Variants in PDE4B observed in about 807,000 individuals in gnomAD.
PDE4B encodes the protein phosphodiesterase 4B.
In PDE4B, 20 loss-of-function variants were observed where a neutral mutation model predicts 82.2. The observed-to-expected ratio is 0.24, with a 90% CI of 0.17 to 0.35. The LOEUF (loss-of-function observed/expected upper bound fraction) is 0.35, where lower values mean the gene tolerates loss of function less well. Ranked by LOEUF, PDE4B falls within the 10% of genes least tolerant of loss-of-function variation. PDE4B has a pLI of 1.00. For synonymous variants in PDE4B, 320 were observed against 318.9 expected, an observed-to-expected ratio of 1.00 and a Z score of -0.04; for missense variants, 655 against 907.2, an observed-to-expected ratio of 0.72 and a Z score of 3.57.
At chr1:66,355,467 T>C (rs1557722891) in intron 8 of PDE4B, 60 bp from the exon 9 acceptor site, 7 of 1,120,678 alleles carry the variant, frequency 6.2e-6, no homozygotes, top group Non-Finnish European at 9.4e-6. Flanking sequence ...GTTGGAAACA[T>C]TTAAAATGAA....
At chr1:66,066,262 G>C (rs902385531) in intron 3 of PDE4B, among the ~76,000 whole-genome samples, 2 of 151,682 alleles carry the variant, frequency 1.3e-5, no homozygotes, top group Non-Finnish European at 1.5e-5. Context: ...TAATGAGATA[G>C]TCCCTACCCG....
intron 3 of PDE4B, among the ~76,000 whole-genome samples, chr1:66,069,165 C>T (rs1009820274): frequency 2.0e-5 from 3 of 151,942 alleles, no homozygotes; most frequent in Admixed American, 6.6e-5. Context: ...GTATTTTAAC[C>T]TGGGCATTGA....
At chr1:66,092,880 C>T (rs1283055456) in intron 3 of PDE4B, among the ~76,000 whole-genome samples, 4 of 151,902 alleles carry the variant, frequency 2.6e-5, no homozygotes, top group Admixed American at 1.3e-4. Context: ...TGGGAATGAA[C>T]CTAGAATGAG....
intron 1 of PDE4B, among the ~76,000 whole-genome samples, chr1:65,875,734 A>G (rs1036224894): frequency 7.0e-5 from 10 of 142,906 alleles, no homozygotes; most frequent in Non-Finnish European, 6.0e-5. Context: ...TCTCACTCAT[A>G]GGTGGGAACT....
At chr1:65,958,942 C>T (rs939084619) in intron 3 of PDE4B, among the ~76,000 whole-genome samples, 7 of 152,158 alleles carry the variant, frequency 4.6e-5, no homozygotes, top group African/African-American at 1.7e-4. Flanking sequence ...AAAAGTATTA[C>T]AGAAGGTATT....
rs1452647070 is a variant in PDE4B, at chr1:65,985,085, A to G, written c.281+66250A>G. 2.6e-5 allele frequency among the ~76,000 whole-genome samples: 4 copies of G among 152,208 alleles called. No individual in the cohort carries two copies. The East Asian group carries it at 7.7e-4, about 29-fold the overall frequency. The stretch of plus-strand genomic sequence containing the variant: ...CAGATTTAAAATAAACAGACTATGT[A>G]GTGAAAAACAAATCTTGAAATTAAG... On this transcript the variant is annotated intron_variant, in intron 3 of 16. Transcript: ENST00000341517.
At chr1:65,829,078 TTAAATA>T (rs137888212) in intron 1 of PDE4B, among the ~76,000 whole-genome samples, 15,279 of 152,018 alleles carry the variant, frequency 0.1, 837 homozygotes, top group South Asian at 0.14. Flanking sequence ...ACAAAACACT[TTAAATA>T]TAAAGAATTA....
chr1:66,207,731 A>G (rs945489550), intron 3 of PDE4B, among the ~76,000 whole-genome samples: 1 of 152,168 alleles, frequency 6.6e-6, no homozygotes, highest in Non-Finnish European at 1.5e-5. Flanking sequence ...ATGATAGAGG[A>G]TTCTATTTAT....
intron 3 of PDE4B, among the ~76,000 whole-genome samples, chr1:66,195,188 C>A (rs924754712): frequency 6.6e-6 from 1 of 152,054 alleles, no homozygotes; most frequent in Non-Finnish European, 1.5e-5. Context: ...CAGATGTGAC[C>A]AAGGTGACCT....
chr1:66,002,146 T>C (rs1183856902), intron 3 of PDE4B, among the ~76,000 whole-genome samples: 1 of 152,184 alleles, frequency 6.6e-6, no homozygotes, highest in Admixed American at 6.6e-5. Context: ...GGGCATTTTG[T>C]ATTGTCAAGT....
intron 7 of PDE4B, among the ~76,000 whole-genome samples, chr1:66,280,638 G>C (rs1168870673): frequency 1.3e-5 from 2 of 152,108 alleles, no homozygotes; most frequent in Admixed American, 6.5e-5. Context: ...CTCACACCTG[G>C]ATATTAAAAC....
At chr1:66,126,592 T>G (rs1273385346) in intron 3 of PDE4B, among the ~76,000 whole-genome samples, 6 of 152,208 alleles carry the variant, frequency 3.9e-5, no homozygotes, top group Admixed American at 6.5e-5. Flanking sequence ...TCCTTAAAGC[T>G]TCTCCTTTTA....
Position 66,070,269 on chromosome 1 carries a change from G to A in PDE4B, c.281+151434G>A, listed in dbSNP as rs933605063. On this transcript the variant is annotated intron_variant, in intron 3 of 16. Transcript: ENST00000341517. Reference sequence around the variant, plus strand: ...ATTTTTTTTTCCTCAGGAGAAAAAGGTCTGTTGAAATCTTTAGTTGGAATA... The same window carrying A: ...ATTTTTTTTTCCTCAGGAGAAAAAGATCTGTTGAAATCTTTAGTTGGAATA... Among the ~76,000 whole-genome samples, 9 of 151,938 alleles carry A rather than the reference G, an allele frequency of 5.9e-5. No individual in the cohort carries two copies. The East Asian group carries it at 1.2e-3, about 20-fold the overall frequency.
rs1186568334 is a variant in PDE4B at position 65,899,885 on chromosome 1, G to T, written c.-70-13360G>T. On this transcript the variant is annotated intron_variant, in intron 1 of 16. Coordinates refer to ENST00000341517, the MANE Select transcript of PDE4B (RefSeq NM_002600.4). ...TGGATTTGGGGACTCAGGGACAAAG[G>T]GTGGGAAGGGGGTGAGGGATAAAAG... 2.0e-5 allele frequency among the ~76,000 whole-genome samples: 3 copies of T among 151,966 alleles called. No individual in the cohort carries two copies. The East Asian group carries it at 5.8e-4, about 29-fold the overall frequency.
At chr1:66,242,270 A>C (rs4376710) in intron 3 of PDE4B, among the ~76,000 whole-genome samples, 1 of 152,052 alleles carries the variant, frequency 6.6e-6, no homozygotes, top group African/African-American at 2.4e-5. Context: ...CTTTGAAATG[A>C]GGCAAAAAGA....
At chr1:65,932,388 C>A (rs1445837630) in intron 3 of PDE4B, among the ~76,000 whole-genome samples, 2 of 152,098 alleles carry the variant, frequency 1.3e-5, no homozygotes, top group Non-Finnish European at 2.9e-5. Context: ...ACCTAGCATA[C>A]TCTAGATGGT....
At chr1:66,158,980 G>T (rs1430239562) in intron 3 of PDE4B, among the ~76,000 whole-genome samples, 1 of 152,034 alleles carries the variant, frequency 6.6e-6, no homozygotes, top group Non-Finnish European at 1.5e-5. Flanking sequence ...TTAGCAAAAG[G>T]GTACAAACTT....
At chr1:65,902,319 A>G (rs967647566) in intron 1 of PDE4B, among the ~76,000 whole-genome samples, 14 of 152,150 alleles carry the variant, frequency 9.2e-5, no homozygotes, top group Admixed American at 7.2e-4. Flanking sequence ...GCCAATAGAA[A>G]TGGAAGATTA....
chr1:66,198,813 A>G (rs1017679126), intron 3 of PDE4B, among the ~76,000 whole-genome samples: 4 of 131,604 alleles, frequency 3.0e-5, no homozygotes, highest in African/African-American at 8.9e-5. Context: ...TCCTGTGTCC[A>G]TGTGTTCTCG....
Sources: gnomAD v4.1 joint callset for allele counts (sites outside exome capture counted in the v4.1 genomes callset) on GRCh38, gnomAD v4.1.1 for gene constraint, MANE v1.5 for transcripts, NCBI Gene and HGNC (gene_info 2026-07-23, HGNC 2026-07-21) for gene names.